The following C6orf120 variants were observed in gnomAD, a reference collection of about 807,000 sequenced individuals.
C6orf120 encodes UPF0669 protein C6orf120.
For missense variants in C6orf120, 311 were observed against 264.2 expected (o/e 1.18, Z -1.23); for synonymous variants, 165 against 123.1 (o/e 1.34, Z -2.25).
At chr6:169,703,179 TACCTC>T (rs1788527156) in exon 1 of C6orf120, 1 of 785,174 alleles carries the variant, frequency 1.3e-6, no homozygotes, top group Non-Finnish European at 2.0e-6. Flanking sequence ...GCAGTTTTGT[TACCTC>T]AGTTACCCCA....
exon 1 of C6orf120, chr6:169,704,234 T>A: frequency 3.5e-6 from 2 of 567,288 alleles, no homozygotes; most frequent in Non-Finnish European, 6.1e-6. Flanking sequence ...GTTCCTTAAT[T>A]TAAGGAAAAA....
downstream of C6orf120, chr6:169,705,111 T>A: frequency 1.3e-6 from 2 of 1,562,354 alleles, no homozygotes; most frequent in South Asian, 2.4e-5. Flanking sequence ...AAGATAATGT[T>A]TGCTCTTTTT....
At chr6:169,703,984 A>G (rs1418045137) in exon 1 of C6orf120, 8 of 1,568,148 alleles carry the variant, frequency 5.1e-6, no homozygotes, top group Non-Finnish European at 7.0e-6. Context: ...CATATACAGT[A>G]TTAGAGTCAA....
exon 1 of C6orf120, chr6:169,704,327 T>C: frequency 2.2e-6 from 1 of 451,166 alleles, no homozygotes; most frequent in Non-Finnish European, 4.0e-6. Flanking sequence ...TGCCATACGG[T>C]GATACGGACC....
exon 1 of C6orf120, chr6:169,703,498 C>T (rs756235912): frequency 9.7e-6 from 2 of 206,454 alleles, no homozygotes; most frequent in Non-Finnish European, 2.2e-5. Context: ...TGCCTGTACC[C>T]CAAGTAGGTG....
At chr6:169,704,562 GA>G (rs1788705481) in exon 1 of C6orf120, 1 of 170,888 alleles carries the variant, frequency 5.9e-6, no homozygotes, top group African/African-American at 2.4e-5. Context: ...AATTACTACA[GA>G]AAAATAATTA....
chr6:169,705,524 CTT>C (rs1352262953), downstream of C6orf120: 12 of 826,172 alleles, frequency 1.5e-5, no homozygotes, highest in Middle Eastern at 1.4e-3. Context: ...TTTGGTGACT[CTT>C]TGGTTGAAAT....
exon 1 of C6orf120, chr6:169,702,560 A>G (rs772294932): frequency 6.2e-7 from 1 of 1,612,790 alleles, no homozygotes; most frequent in South Asian, 1.1e-5. Context: ...GACGAGGAGG[A>G]GGTCCCCGAG....
chr6:169,704,062 G>C, exon 1 of C6orf120: 4 of 1,580,426 alleles, frequency 2.5e-6, no homozygotes, highest in Non-Finnish European at 3.4e-6. Context: ...GGGGGGGCCC[G>C]CTGACAACAG....
chr6:169,703,056 A>T (rs1788505919), exon 1 of C6orf120: 2 of 1,537,608 alleles, frequency 1.3e-6, no homozygotes, highest in Admixed American at 2.0e-5. Flanking sequence ...ACACTCTGGG[A>T]TATAAAACCC....
chr6:169,705,217 G>T, downstream of C6orf120: 1 of 1,613,654 alleles, frequency 6.2e-7, no homozygotes. Flanking sequence ...TCTTCATGGT[G>T]GGGTTGTCCA....
chr6:169,702,712 C>G, exon 1 of C6orf120: 1 of 1,613,582 alleles, frequency 6.2e-7, no homozygotes, highest in South Asian at 1.1e-5. Context: ...CGCCAGCAGC[C>G]TGCACCCCAG....
At chr6:169,705,161 A>G, downstream of C6orf120, 1 of 1,610,986 alleles carries the variant, frequency 6.2e-7, no homozygotes, top group Non-Finnish European at 8.5e-7. Context: ...GGCCCACACA[A>G]AAAGTATGAT....
At chr6:169,704,572 T>C (rs969195919) in exon 1 of C6orf120, 18 of 170,380 alleles carry the variant, frequency 1.1e-4, no homozygotes, top group African/African-American at 3.8e-4. Flanking sequence ...GAAAAATAAT[T>C]ATGTTGCTTG....
exon 1 of C6orf120, chr6:169,704,231 A>T (rs1788690402): frequency 1.8e-6 from 1 of 567,652 alleles, no homozygotes; most frequent in Middle Eastern, 4.5e-4. Flanking sequence ...TGAGTTCCTT[A>T]ATTTAAGGAA....
At chr6:169,702,180 C>A (rs141767157), upstream of C6orf120, 3 of 658,366 alleles carry the variant, frequency 4.6e-6, no homozygotes, top group East Asian at 3.0e-5. Context: ...AAGCGCGGCC[C>A]CCTGCGGGGA....
chr6:169,706,067 AATGACCATT>A (rs1217709288), downstream of C6orf120, among the ~76,000 whole-genome samples: 7 of 152,218 alleles, frequency 4.6e-5, no homozygotes, highest in African/African-American at 1.7e-4. Context: ...CCAAGTAGCA[AATGACCATT>A]ATGTGTAAGA....
At chr6:169,703,982 G>T (rs963308330) in exon 1 of C6orf120, 3 of 1,557,300 alleles carry the variant, frequency 1.9e-6, no homozygotes, top group Non-Finnish European at 2.6e-6. Flanking sequence ...TGCATATACA[G>T]TATTAGAGTC....
chr6:169,702,912 CGACGGCGCA>C (rs775273975), exon 1 of C6orf120: 2 of 1,612,660 alleles, frequency 1.2e-6, no homozygotes, highest in Admixed American at 3.3e-5. Flanking sequence ...CCTACCCCGC[CGACGGCGCA>C]GATGCCGGCC....
Sources: gnomAD v4.1 joint callset for allele counts (sites outside exome capture counted in the v4.1 genomes callset) on GRCh38, gnomAD v4.1.1 for gene constraint, MANE v1.5 for transcripts, NCBI Gene and HGNC (gene_info 2026-07-23, HGNC 2026-07-21) for gene names.